Variants in FBXL13 observed in about 807,000 individuals in gnomAD.
FBXL13 encodes the protein F-box and leucine rich repeat protein 13, also known as F-box and leucine-rich repeat protein 13.
FBXL13 carries 67 observed loss-of-function variants against 83.6 expected under a neutral mutation model. The ratio of observed to expected loss-of-function variants is 0.80; its 90% CI spans 0.66 to 0.98. The LOEUF (loss-of-function observed/expected upper bound fraction) is 0.98, where lower values mean the gene tolerates loss of function less well. FBXL13 is among the 50% of genes least tolerant of loss of function. FBXL13 has a pLI of 0.00. For synonymous variants in FBXL13, 272 were observed against 299.5 expected, an observed-to-expected ratio of 0.91 and a Z score of 0.95; for missense variants, 822 against 866.5, an observed-to-expected ratio of 0.95 and a Z score of 0.64.
chr7:102,853,668 T>C (rs1282172254), intron 17 of FBXL13, among the ~76,000 whole-genome samples: 1 of 151,686 alleles, frequency 6.6e-6, no homozygotes, highest in Non-Finnish European at 1.5e-5. Flanking sequence ...TCAAACAAAT[T>C]TACAAGAAAA....
At chr7:102,834,201 T>TA (rs1325328310) in intron 17 of FBXL13, among the ~76,000 whole-genome samples, 1 of 150,798 alleles carries the variant, frequency 6.6e-6, no homozygotes, top group Admixed American at 6.6e-5. Flanking sequence ...TGAGAATTAT[T>TA]ATAATTATCT....
chr7:102,833,363 G>A (rs1801063267), intron 17 of FBXL13, among the ~76,000 whole-genome samples: 1 of 151,778 alleles, frequency 6.6e-6, no homozygotes, highest in Admixed American at 6.6e-5. Context: ...AGACAGACCC[G>A]AGTTTTGCTT....
At chr7:103,030,244 T>C (rs547530967) in intron 2 of FBXL13, 1 of 152,298 alleles carries the variant, frequency 6.6e-6, no homozygotes, top group East Asian at 1.9e-4. Flanking sequence ...CTTTGTTAAA[T>C]TAACAGATAT....
intron 2 of FBXL13, among the ~76,000 whole-genome samples, chr7:103,038,428 C>T (rs1269060883): frequency 1.3e-5 from 2 of 152,258 alleles, no homozygotes; most frequent in Admixed American, 6.5e-5. Context: ...CAGACTTAAA[C>T]GTCCCTGTCT....
intron 6 of FBXL13, among the ~76,000 whole-genome samples, chr7:102,970,575 T>G (rs1256128009): frequency 6.6e-6 from 1 of 152,138 alleles, no homozygotes. Context: ...AGCCAGGCCT[T>G]ACAGGATACC....
At chr7:102,952,082 G>A (rs1157911536) in intron 8 of FBXL13, among the ~76,000 whole-genome samples, 2 of 152,114 alleles carry the variant, frequency 1.3e-5, no homozygotes, top group Admixed American at 1.3e-4. Context: ...AGTGAAGTAA[G>A]CCAGGCACAA....
At chr7:102,892,284 T>C (rs1347234822) in intron 11 of FBXL13, among the ~76,000 whole-genome samples, 6 of 152,242 alleles carry the variant, frequency 3.9e-5, no homozygotes, top group Non-Finnish European at 8.8e-5. Flanking sequence ...AACATCCTTA[T>C]ACATTTTGCC....
At chr7:102,944,536 G>A (rs1329798021) in intron 8 of FBXL13, 5 of 1,613,214 alleles carry the variant, frequency 3.1e-6, no homozygotes, top group Non-Finnish European at 4.2e-6. Context: ...CACAGAAGAT[G>A]ATGAATGGGA....
intron 1 of FBXL13, among the ~76,000 whole-genome samples, chr7:103,073,079 TA>T (rs1212151926): frequency 2.0e-5 from 3 of 152,178 alleles, no homozygotes; most frequent in African/African-American, 7.2e-5. Context: ...TGTAATAAAT[TA>T]AAACAATACA....
intron 2 of FBXL13, among the ~76,000 whole-genome samples, chr7:103,049,724 T>G (rs146336350): frequency 6.6e-6 from 1 of 152,218 alleles, no homozygotes; most frequent in East Asian, 1.9e-4. Flanking sequence ...CTTTTAACCA[T>G]AGCACTCTTT....
rs571429634 is a variant in FBXL13, at chr7:103,069,920, T to C, written c.-105+4326A>G. Reference sequence around the variant, plus strand: ...GGTGAAACCCCGTCTCTACTAAAAATACAAAAAAATTAGCCGGGCATGGTG... The same window carrying C: ...GGTGAAACCCCGTCTCTACTAAAAACACAAAAAAATTAGCCGGGCATGGTG... On this transcript the variant is annotated intron_variant, in intron 1 of 19. Coordinates refer to ENST00000313221, the Ensembl canonical transcript of FBXL13. 1.3e-3 allele frequency among the ~76,000 whole-genome samples: 196 copies of C among 151,762 alleles called. 3 individuals carry two copies. The highest frequency in any genetic ancestry group is 3.3e-3 in the African/African-American group (137 of 41,404).
intron 6 of FBXL13, 66 bp from the exon 8 acceptor site, chr7:102,968,183 T>A: frequency 9.1e-7 from 1 of 1,096,772 alleles, no homozygotes; most frequent in Non-Finnish European, 1.4e-6. Flanking sequence ...TCCACTTACC[T>A]TTTGTCTGTG....
chr7:103,042,743 G>A (rs190383547), intron 2 of FBXL13, among the ~76,000 whole-genome samples: 5 of 152,134 alleles, frequency 3.3e-5, no homozygotes, highest in Admixed American at 6.5e-5. Flanking sequence ...TTAATAAATT[G>A]TGCTGAAAAA....
intron 2 of FBXL13, among the ~76,000 whole-genome samples, chr7:103,048,398 C>CT (rs34942143): frequency 0.063 from 9,038 of 143,710 alleles, 354 homozygotes; most frequent in East Asian, 0.17. Context: ...TCTTTCCTTT[C>CT]TTTTTTTTTT....
chr7:103,024,984 C>T (rs1352482114), intron 6 of FBXL13, 79 bp downstream of exon 7: 4 of 1,133,410 alleles, frequency 3.5e-6, no homozygotes, highest in Admixed American at 6.6e-5. Context: ...TCTCAGCCTC[C>T]CAAGCAGCTG....
At chr7:103,026,665 T>G (rs1040088764) in intron 5 of FBXL13, among the ~76,000 whole-genome samples, 2 of 152,212 alleles carry the variant, frequency 1.3e-5, no homozygotes, top group Admixed American at 6.5e-5. Flanking sequence ...GTTTTAGGCA[T>G]ATGTAAGTAA....
chr7:102,934,026 G>A, intron 8 of FBXL13: 1 of 1,614,076 alleles, frequency 6.2e-7, no homozygotes. Context: ...GCGGGTGGAG[G>A]CCGGAGAGGC....
At chr7:102,814,469 C>G (rs1351878644) in intron 19 of FBXL13, 1 of 152,022 alleles carries the variant, frequency 6.6e-6, no homozygotes, top group Non-Finnish European at 1.5e-5. Flanking sequence ...GAAAAAAAAC[C>G]AACAACATAG....
chr7:102,939,031 T>C (rs1189153226), intron 8 of FBXL13, among the ~76,000 whole-genome samples: 1 of 152,242 alleles, frequency 6.6e-6, no homozygotes, highest in Admixed American at 6.5e-5. Flanking sequence ...TTAACCCACT[T>C]TAGCTTGCCC....
Sources: allele counts gnomAD v4.1 joint callset (sites outside exome capture counted in the v4.1 genomes callset), GRCh38; gene constraint gnomAD v4.1.1; transcripts MANE v1.5; gene names NCBI Gene and HGNC (gene_info 2026-07-23, HGNC 2026-07-21).